Variants in TLN2 observed in about 807,000 individuals in gnomAD.
TLN2 encodes the protein talin 2.
A neutral mutation model predicts 294.7 loss-of-function variants in TLN2; 118 were observed. The ratio of observed to expected loss-of-function variants is 0.40; its 90% CI spans 0.34 to 0.47. The LOEUF (loss-of-function observed/expected upper bound fraction) is 0.47, where lower values mean the gene tolerates loss of function less well. TLN2 is among the 20% of genes least tolerant of loss of function. The pLI, the probability that TLN2 is intolerant of heterozygous loss-of-function variation, is 0.84. For synonymous variants in TLN2, 1,431 were observed against 1,304.5 expected (o/e 1.10, Z -2.09); for missense variants, 3,083 against 3,282.2 (o/e 0.94, Z 1.48).
chr15:62,509,705 C>T (rs1390922687), intron 1 of TLN2, among the ~76,000 whole-genome samples: 1 of 152,200 alleles, frequency 6.6e-6, no homozygotes, highest in Non-Finnish European at 1.5e-5. Flanking sequence ...CTTTCGGGGG[C>T]TTGTCAGGTC....
chr15:62,435,164 C>T (rs570579431), intron 1 of TLN2, among the ~76,000 whole-genome samples: 1 of 152,286 alleles, frequency 6.6e-6, no homozygotes, highest in South Asian at 2.1e-4. Context: ...TCCAGTCTAT[C>T]ATTGATGGGC....
At chr15:62,701,523 G>A (rs2058720092) in intron 17 of TLN2, among the ~76,000 whole-genome samples, 1 of 152,180 alleles carries the variant, frequency 6.6e-6, no homozygotes, top group African/African-American at 2.4e-5. Flanking sequence ...TGCCTTCTGG[G>A]CACCTACAGT....
intron 23 of TLN2, 138 bp downstream of exon 23, chr15:62,716,597 T>A (rs1295592377): frequency 2.4e-6 from 3 of 1,225,716 alleles, no homozygotes; most frequent in African/African-American, 1.6e-5. Context: ...AAGGTTTGAG[T>A]ACTATAAAAG....
At chr15:62,836,492 C>T (rs982381055) in intron 57 of TLN2, among the ~76,000 whole-genome samples, 1 of 152,222 alleles carries the variant, frequency 6.6e-6, no homozygotes, top group Non-Finnish European at 1.5e-5. Context: ...CTCTTAGATG[C>T]AGGCACCACA....
chr15:62,566,563 G>A (rs914045792), intron 1 of TLN2, among the ~76,000 whole-genome samples: 2 of 151,858 alleles, frequency 1.3e-5, no homozygotes, highest in African/African-American at 2.4e-5. Flanking sequence ...ACATATTTGC[G>A]AAGGCCTGAT....
In TLN2 at chr15:62,571,661, T is replaced by TACC. The variant is rs371004089; in HGVS notation, c.-237-18024_-237-18022dup. ...GTAGAGGCAATGGTAGGCTCCCATG[T>TACC]ACCAGCTTATCTCCAATTTTCAATG... On this transcript the variant is annotated intron_variant, in intron 1 of 58. Coordinates refer to ENST00000636159, the MANE Select transcript of TLN2 (RefSeq NM_015059.3). 5.1e-4 allele frequency among the ~76,000 whole-genome samples: 78 copies of TACC among 152,348 alleles called. 2 individuals are homozygous for TACC. The highest frequency in any genetic ancestry group is 3.3e-3 in the Admixed American group (51 of 15,310).
At chr15:62,771,244 A>G (rs2063334892) in intron 42 of TLN2, 110 bp downstream of exon 42, 3 of 1,242,928 alleles carry the variant, frequency 2.4e-6, no homozygotes, top group Non-Finnish European at 3.2e-6. Flanking sequence ...TGCTGGTGGC[A>G]TTTGAGCTCC....
At chr15:62,659,072 C>T (rs779389232) in intron 9 of TLN2, among the ~76,000 whole-genome samples, 5 of 152,128 alleles carry the variant, frequency 3.3e-5, no homozygotes, top group Admixed American at 6.6e-5. Flanking sequence ...GGTAGGAAGG[C>T]GATCCGAATG....
At chr15:62,812,803 G>C (rs958935234) in intron 52 of TLN2, among the ~76,000 whole-genome samples, 1 of 152,158 alleles carries the variant, frequency 6.6e-6, no homozygotes, top group African/African-American at 2.4e-5. Flanking sequence ...CTGTCCGAGG[G>C]GCGGGCGGGC....
intron 2 of TLN2, among the ~76,000 whole-genome samples, chr15:62,602,365 G>C (rs949026126): frequency 2.0e-5 from 3 of 152,126 alleles, no homozygotes; most frequent in East Asian, 1.9e-4. Context: ...ACTTCTCTCT[G>C]TGATTGCGCC....
At chr15:62,558,064 T>C (rs1302365589) in intron 1 of TLN2, among the ~76,000 whole-genome samples, 1 of 152,210 alleles carries the variant, frequency 6.6e-6, no homozygotes, top group Non-Finnish European at 1.5e-5. Context: ...GACTTCTAAG[T>C]GGAATTATAT....
intron 25 of TLN2, 76 bp downstream of exon 25, chr15:62,719,956 T>A: frequency 9.0e-7 from 1 of 1,112,936 alleles, no homozygotes; most frequent in Non-Finnish European, 1.2e-6. Flanking sequence ...GGAGAGGAGT[T>A]AATGAATTCC....
intron 2 of TLN2, among the ~76,000 whole-genome samples, chr15:62,596,693 A>T (rs2046547873): frequency 6.6e-6 from 1 of 151,768 alleles, no homozygotes; most frequent in South Asian, 2.1e-4. Flanking sequence ...AGCTGAGATC[A>T]TGCCACTGCA....
chr15:62,569,781 GT>G (rs1357044541), intron 1 of TLN2, among the ~76,000 whole-genome samples: 7 of 152,184 alleles, frequency 4.6e-5, no homozygotes, highest in African/African-American at 1.7e-4. Context: ...TACCAGAGTA[GT>G]TTTATAAACA....
rs542721029 is a variant in TLN2 at position 62,663,210 on chromosome 15, T to A, written c.788+5312T>A. On this transcript the variant is annotated intron_variant, in intron 9 of 58. Coordinates refer to ENST00000636159, the MANE Select transcript of TLN2 (RefSeq NM_015059.3). ...ATAGTTTACCATGTGCGATTTTTTT[T>A]AAAAAGACTATATGATTGTCTTAAT... is the stretch of plus-strand genomic sequence containing the variant. Among the ~76,000 whole-genome samples, 38 of 152,218 alleles carry A rather than the reference T, an allele frequency of 2.5e-4. No homozygotes were observed. The East Asian group carries it at 4.1e-3, about 16-fold the overall frequency.
chr15:62,749,742 C>A (rs542752112), intron 33 of TLN2, among the ~76,000 whole-genome samples: 1 of 152,276 alleles, frequency 6.6e-6, no homozygotes, highest in East Asian at 1.9e-4. Context: ...AGGAAAAGTC[C>A]CTTACAAGTG....
At position 62,750,398 on chromosome 15, in the gene TLN2, G is replaced by A. The variant is rs777743048; in HGVS notation, c.4120-4G>A. The stretch of plus-strand genomic sequence containing the variant: ...GCTTTTTATGTTGTGTTCTTCTTCT[G>A]TAGACTGTGAAGGGGATGTTGGACA... On this transcript the variant is annotated splice_polypyrimidine_tract_variant and splice_region_variant and intron_variant, in intron 33 of 58. Coordinates refer to ENST00000636159, the MANE Select transcript of TLN2 (RefSeq NM_015059.3). 1.2e-6 allele frequency: 2 copies of A among 1,613,438 alleles called. No individual in the cohort carries two copies. The highest frequency in any genetic ancestry group is 1.7e-5 in the Admixed American group (1 of 60,030).
At chr15:62,833,290 G>A in intron 54 of TLN2, 2 of 583,422 alleles carry the variant, frequency 3.4e-6, no homozygotes, top group Non-Finnish European at 5.8e-6. Flanking sequence ...GTGACCCGAG[G>A]GTGGCTTAAC....
At chr15:62,498,617 C>T (rs1235374618) in intron 1 of TLN2, among the ~76,000 whole-genome samples, 3 of 152,116 alleles carry the variant, frequency 2.0e-5, no homozygotes, top group African/African-American at 7.2e-5. Flanking sequence ...GAGCTGGGGT[C>T]ACCGTAAGTC....
Sources: allele counts gnomAD v4.1 joint callset (sites outside exome capture counted in the v4.1 genomes callset), GRCh38; gene constraint gnomAD v4.1.1; transcripts MANE v1.5; gene names NCBI Gene and HGNC (gene_info 2026-07-23, HGNC 2026-07-21).